The following EXOC2 variants were observed in gnomAD, a reference collection of about 807,000 sequenced individuals.
The protein encoded by EXOC2 is exocyst complex component 2.
Under a neutral mutation model 131.8 loss-of-function variants are expected in EXOC2, and 70 were observed. That is an observed-to-expected ratio of 0.53 (90% confidence interval 0.44 to 0.65). EXOC2 has a LOEUF of 0.65. Among genes scored for constraint, EXOC2 ranks in the 30% least tolerant of loss-of-function variants. The pLI is 0.00. For synonymous variants in EXOC2, 411 were observed against 398.4 expected (o/e 1.03, Z -0.38); for missense variants, 923 against 1,108.6 (o/e 0.83, Z 2.38).
At chr6:660,599 G>A (rs1201359419) in intron 1 of EXOC2, among the ~76,000 whole-genome samples, 1 of 152,150 alleles carries the variant, frequency 6.6e-6, no homozygotes, top group Non-Finnish European at 1.5e-5. Flanking sequence ...CAGGAAGATG[G>A]GGAGAGCACT....
chr6:584,836 C>T (rs1203167770), intron 11 of EXOC2, among the ~76,000 whole-genome samples: 1 of 152,230 alleles, frequency 6.6e-6, no homozygotes, highest in Non-Finnish European at 1.5e-5. Flanking sequence ...AACACTTTCT[C>T]TATGAGTAGC....
At position 508,397 on chromosome 6, in the gene EXOC2, C is replaced by T. The variant is rs186404344; in HGVS notation, c.2381-8697G>A. 3.1e-4 allele frequency among the ~76,000 whole-genome samples: 47 copies of T among 152,258 alleles called. 1 individual carries two copies. Among genetic ancestry groups the T allele is most frequent in the South Asian group, 1.9e-3 (9 of 4,818 alleles). ...CAAATATATAACGACAGGTACCAACCGTTACGGTAACACACACAGTAGCTT... is the reference window on the plus strand; with the variant it reads ...CAAATATATAACGACAGGTACCAACTGTTACGGTAACACACACAGTAGCTT... On this transcript the variant is annotated intron_variant, in intron 23 of 27. Transcript: ENST00000230449.
Position 656,058 on chromosome 6 carries a change from G to A in EXOC2, c.-43-18197C>T, listed in dbSNP as rs771085104. 7 of 1,400,730 alleles carry A rather than the reference G, an allele frequency of 5.0e-6. No homozygotes were observed. The Admixed American group carries it at 1.1e-4, about 22-fold the overall frequency. 86.8% of individuals were successfully genotyped at this position (1,400,730 alleles called of 1,614,324 possible). A position where few individuals can be genotyped will look rare whatever the true frequency, so the allele number is the denominator to read the frequency against. Reference sequence around the variant, plus strand: ...CCCAATTAACTCAGGGTCTGTTTTAGTTTTGAAAAGATCAAAACCTTAAAA... The same window carrying A: ...CCCAATTAACTCAGGGTCTGTTTTAATTTTGAAAAGATCAAAACCTTAAAA... On this transcript the variant is annotated intron_variant, in intron 1 of 27. Transcript: ENST00000230449.
At chr6:512,095 G>A (rs1446916995) in intron 23 of EXOC2, among the ~76,000 whole-genome samples, 1 of 152,230 alleles carries the variant, frequency 6.6e-6, no homozygotes, top group Non-Finnish European at 1.5e-5. Context: ...TCTTCCTTGG[G>A]GTTAAGCCAC....
intron 11 of EXOC2, among the ~76,000 whole-genome samples, chr6:582,392 T>G (rs1432880552): frequency 6.6e-6 from 1 of 152,156 alleles, no homozygotes; most frequent in Non-Finnish European, 1.5e-5. Context: ...TCTACAATAG[T>G]GTAGGGAACA....
chr6:663,232 T>A (rs938146860), intron 1 of EXOC2, among the ~76,000 whole-genome samples: 1 of 152,114 alleles, frequency 6.6e-6, no homozygotes, highest in African/African-American at 2.4e-5. Flanking sequence ...ATAACCCTCC[T>A]AGCTTAAATC....
intron 1 of EXOC2, among the ~76,000 whole-genome samples, chr6:683,865 G>C (rs1284061842): frequency 6.6e-6 from 1 of 152,190 alleles, no homozygotes; most frequent in Non-Finnish European, 1.5e-5. Flanking sequence ...GAGCCGTGAG[G>C]GATTAAGCAG....
intron 11 of EXOC2, among the ~76,000 whole-genome samples, chr6:589,274 C>T (rs535476144): frequency 1.6e-4 from 24 of 150,296 alleles, no homozygotes; most frequent in African/African-American, 4.7e-4. Context: ...GTCGAGCACC[C>T]GCACGGTGTC....
chr6:597,998 C>T (rs1759913925), intron 10 of EXOC2, 23 bp downstream of exon 10: 4 of 1,571,726 alleles, frequency 2.5e-6, no homozygotes. Flanking sequence ...TGTGATTCAA[C>T]AAAATGTTTG....
At chr6:541,435 G>C (rs183322195) in intron 22 of EXOC2, among the ~76,000 whole-genome samples, 101 of 152,288 alleles carry the variant, frequency 6.6e-4, no homozygotes, top group South Asian at 1.4e-3. Flanking sequence ...TACTGCAAGA[G>C]AAAGCAAGGA....
intron 11 of EXOC2, among the ~76,000 whole-genome samples, chr6:588,478 G>C (rs1219832079): frequency 6.6e-6 from 1 of 152,104 alleles, no homozygotes; most frequent in African/African-American, 2.4e-5. Flanking sequence ...TCAGCCTCCT[G>C]AGTAGCTGGG....
chr6:532,217 C>T lies in EXOC2; in HGVS notation c.2380+252G>A, dbSNP rs555089652. On this transcript the variant is annotated intron_variant, in intron 23 of 27. Transcript: ENST00000230449. The stretch of plus-strand genomic sequence containing the variant: ...AGGAAGCAGGAATGCATTACTAAAA[C>T]GATCAATTATTACAAGTTATCATTA... Among the ~76,000 whole-genome samples the T allele has an allele frequency of 7.9e-5, 12 of 152,278 alleles. No individual in the cohort carries two copies. In the East Asian group the frequency reaches 1.7e-3, roughly 22 times the overall value.
At chr6:609,336 T>C (rs1760594792) in intron 7 of EXOC2, among the ~76,000 whole-genome samples, 1 of 152,270 alleles carries the variant, frequency 6.6e-6, no homozygotes. Context: ...GATGAGATTG[T>C]ACATTATATT....
chr6:576,392 A>G (rs1398495310), intron 12 of EXOC2, among the ~76,000 whole-genome samples: 1 of 152,190 alleles, frequency 6.6e-6, no homozygotes, highest in Non-Finnish European at 1.5e-5. Context: ...AATTTCATCA[A>G]AAAAGGTATA....
chr6:499,848 T>G (rs1763942883), intron 23 of EXOC2, 148 bp from the exon 24 acceptor site: 3 of 632,758 alleles, frequency 4.7e-6, no homozygotes, highest in Non-Finnish European at 2.8e-6. Context: ...AATCAAATGG[T>G]GAAAGGAGTA....
chr6:562,571 AG>A (rs1361356038), intron 17 of EXOC2, among the ~76,000 whole-genome samples: 1 of 152,252 alleles, frequency 6.6e-6, no homozygotes, highest in Non-Finnish European at 1.5e-5. Context: ...AGGATGAAAA[AG>A]GTCAAGTCTA....
At chr6:656,046 G>A (rs1246380546) in intron 1 of EXOC2, 1 of 1,233,130 alleles carries the variant, frequency 8.1e-7, no homozygotes, top group South Asian at 1.4e-5. Context: ...AATTAACTCA[G>A]GGTCTGTTTT....
At chr6:592,331 A>T (rs1267560574) in intron 11 of EXOC2, 138 bp downstream of exon 11, 3 of 732,990 alleles carry the variant, frequency 4.1e-6, no homozygotes, top group Non-Finnish European at 6.6e-6. Flanking sequence ...TGGCCAAAAA[A>T]ACCACAAAAC....
At chr6:509,074 A>C (rs1180028784) in intron 23 of EXOC2, among the ~76,000 whole-genome samples, 1 of 152,214 alleles carries the variant, frequency 6.6e-6, no homozygotes, top group Non-Finnish European at 1.5e-5. Context: ...CTGCATATTT[A>C]CTTTGGTAAG....
Sources: allele counts gnomAD v4.1 joint callset (sites outside exome capture counted in the v4.1 genomes callset), GRCh38; gene constraint gnomAD v4.1.1; transcripts MANE v1.5; gene names NCBI Gene and HGNC (gene_info 2026-07-23, HGNC 2026-07-21).